The following PROX2 variants were observed in gnomAD, a reference collection of about 807,000 sequenced individuals.
The protein encoded by PROX2 is prospero homeobox 2.
PROX2 carries 46 observed loss-of-function variants against 48.9 expected under a neutral mutation model. The ratio of observed to expected loss-of-function variants is 0.94; its 90% CI spans 0.74 to 1.20. The LOEUF is 1.20. Ranked by LOEUF, PROX2 falls within the 50% of genes most tolerant of loss-of-function variation. The probability of loss-of-function intolerance (pLI) is 0.00; values close to 1 mark genes in which losing one functional copy is unlikely to be tolerated. For missense variants in PROX2, 663 were observed against 719.4 expected (o/e 0.92, Z 0.90); for synonymous variants, 260 against 276.6 (o/e 0.94, Z 0.60).
rs2091817757 is a variant in PROX2, at chr14:74,863,529, CCT to C, written c.304_305del (p.Arg102GlufsTer89). The C allele has an allele frequency of 6.2e-7, 1 of 1,613,446 alleles. No individual in the cohort carries two copies. The highest frequency in any genetic ancestry group is 1.3e-5 in the African/African-American group (1 of 74,936). On this transcript the variant is annotated frameshift_variant, in exon 3 of 6. Coordinates refer to ENST00000556489, the MANE Select transcript of PROX2 (RefSeq NM_001243007.2). LOFTEE classifies it high-confidence loss of function. ...GTGTGGGAAGGTTCTGCTTCCTCTT[CCT>C]CTCTCGGGCCTTCTTTGGGCAGCGT... Reference protein sequence around the residue: ...SPRCPKKARERKRKQNLPTPQ... With the variant: ...SPRCPKKAREXKRKQNLPTPQ...
chr14:74,872,068 T>G (rs1883229447), intron 1 of PROX2: 1 of 152,216 alleles, frequency 6.6e-6, no homozygotes, highest in Admixed American at 6.5e-5. Context: ...CCTTCTGTGA[T>G]GTGTACACAT....
At chr14:74,864,340 A>G (rs2091825857) in intron 2 of PROX2, among the ~76,000 whole-genome samples, 2 of 152,344 alleles carry the variant, frequency 1.3e-5, no homozygotes, top group South Asian at 2.1e-4. Flanking sequence ...CTCTACATCC[A>G]TTAATTTAAT....
At chr14:74,865,942 TC>T (rs1883048090) in intron 2 of PROX2, among the ~76,000 whole-genome samples, 1 of 151,736 alleles carries the variant, frequency 6.6e-6, no homozygotes, top group South Asian at 2.1e-4. Flanking sequence ...TAGACAGACA[TC>T]TAAATGTCAA....
At chr14:74,865,614 G>A (rs549094977) in intron 2 of PROX2, among the ~76,000 whole-genome samples, 3 of 152,130 alleles carry the variant, frequency 2.0e-5, no homozygotes, top group East Asian at 1.9e-4. Flanking sequence ...AGGCTGAGGC[G>A]GGTGGATCAC....
chr14:74,855,398 G>A, intron 5 of PROX2, 96 bp from the exon 6 acceptor site: 2 of 1,021,728 alleles, frequency 2.0e-6, no homozygotes, highest in Non-Finnish European at 2.7e-6. Context: ...TGTTTCTTGG[G>A]TAGTGGGCTA....
Position 74,853,124 on chromosome 14 carries a change from A to G in PROX2, c.*2008T>C, listed in dbSNP as rs967662912. The stretch of plus-strand genomic sequence containing the variant: ...AGACTGCAGTACACAAATGTTTTCA[A>G]TTTGAGCTTGTACATTTCATCTCAT... On this transcript the variant is annotated 3_prime_UTR_variant, in exon 6 of 6. Coordinates refer to ENST00000556489, the MANE Select transcript of PROX2 (RefSeq NM_001243007.2). The G allele has an allele frequency of 2.0e-5, 3 of 152,240 alleles. No individual in the cohort carries two copies. Among genetic ancestry groups the G allele is most frequent in the African/African-American group, 7.2e-5 (3 of 41,462 alleles). 9.4% of individuals were successfully genotyped at this position (152,240 alleles called of 1,614,324 possible).
At chr14:74,856,628 T>C in intron 5 of PROX2, 173 bp downstream of exon 5, 1 of 597,510 alleles carries the variant, frequency 1.7e-6, no homozygotes, top group Non-Finnish European at 2.9e-6. Flanking sequence ...TTCCACCTGT[T>C]GCCCAAGTGA....
intron 3 of PROX2, among the ~76,000 whole-genome samples, chr14:74,861,951 G>T (rs1182059102): frequency 1.3e-5 from 2 of 152,090 alleles, no homozygotes; most frequent in East Asian, 1.9e-4. Flanking sequence ...CTTCCTTAGG[G>T]TATTCATTGT....
intron 5 of PROX2, chr14:74,856,513 A>T: frequency 2.9e-6 from 1 of 341,892 alleles, no homozygotes; most frequent in Admixed American, 4.1e-5. Flanking sequence ...TCAGGAAGTT[A>T]TGTAACTTGA....
Position 74,855,271 on chromosome 14 carries a change from A to C in PROX2, c.1640T>G (p.Leu547Trp), listed in dbSNP as rs1313167199. ...VPDCFLEIASLTLQEFFRAVS... is the reference protein window; with the variant it reads ...VPDCFLEIASWTLQEFFRAVS... ...AGCCCTGAAGAACTCCTGTAACGTCAAGCTGGCAATTTCCAAGAAGCAATC... is the reference window on the plus strand; with the variant it reads ...AGCCCTGAAGAACTCCTGTAACGTCCAGCTGGCAATTTCCAAGAAGCAATC... Residue 547 changes from leucine (L) to tryptophan (W), a missense_variant, in exon 6 of 6, where the codon TTG becomes TGG. By Grantham distance (61) the Leu-to-Trp change is moderately conservative. Coordinates refer to ENST00000556489, the MANE Select transcript of PROX2 (RefSeq NM_001243007.2). 2 of 1,560,042 alleles carry C rather than the reference A, an allele frequency of 1.3e-6. No individual in the cohort carries two copies. Among genetic ancestry groups the C allele is most frequent in the Non-Finnish European group, 1.7e-6 (2 of 1,143,014 alleles).
At chr14:74,857,743 G>A (rs1325292064) in intron 4 of PROX2, 1 of 148,012 alleles carries the variant, frequency 6.8e-6, no homozygotes, top group Non-Finnish European at 1.5e-5. Flanking sequence ...TATATTTTTT[G>A]TTGTTTGTTT....
rs766649750 is a variant in PROX2, at chr14:74,863,039, C to T, written c.796G>A (p.Glu266Lys). 1.9e-6 allele frequency: 3 copies of T among 1,613,792 alleles called. No individual in the cohort carries two copies. In the African/African-American group the frequency reaches 4.0e-5, roughly 22 times the overall value. Residue 266 changes from glutamate to lysine, a missense_variant, in exon 3 of 6, where the codon GAG becomes AAG. By Grantham distance (56) the Glu-to-Lys change is moderately conservative (BLOSUM62 1). Transcript: ENST00000556489. ...LGRSFQGQVAEGRSEPSPPVG... is the reference protein window; with the variant it reads ...LGRSFQGQVAKGRSEPSPPVG... The stretch of plus-strand genomic sequence containing the variant: ...GGAGGTGAGGGCTCGCTTCTACCCT[C>T]TGCCACCTGCCCCTGGAAGCTTCTG...
intron 1 of PROX2, chr14:74,874,259 T>G (rs1883285799): frequency 8.5e-6 from 3 of 354,780 alleles, no homozygotes; most frequent in East Asian, 7.5e-5. Flanking sequence ...AAGTTTTTTT[T>G]TTTTTTTTTT....
intron 1 of PROX2, among the ~76,000 whole-genome samples, chr14:74,872,349 T>C (rs1407674626): frequency 2.0e-5 from 3 of 152,310 alleles, no homozygotes; most frequent in South Asian, 2.1e-4. Flanking sequence ...CTAGATTCAG[T>C]TGGATTCCAA....
chr14:74,864,212 C>T (rs926474436), intron 2 of PROX2, among the ~76,000 whole-genome samples: 12 of 152,008 alleles, frequency 7.9e-5, no homozygotes, highest in African/African-American at 2.9e-4. Flanking sequence ...TGAGGAGACT[C>T]CGAGAGTGAT....
chr14:74,868,353 A>G (rs1883125203), intron 2 of PROX2, among the ~76,000 whole-genome samples: 1 of 133,356 alleles, frequency 7.5e-6, no homozygotes, highest in Non-Finnish European at 1.6e-5. Context: ...ATATATATAT[A>G]TATATATAAA....
At chr14:74,858,365 TG>T in intron 4 of PROX2, 41 bp downstream of exon 4, 1 of 1,256,470 alleles carries the variant, frequency 8.0e-7, no homozygotes, top group South Asian at 1.3e-5. Context: ...CACTGCCTCT[TG>T]GGAGTTCTGC....
At chr14:74,861,171 C>T in intron 3 of PROX2, 2 of 1,341,210 alleles carry the variant, frequency 1.5e-6, no homozygotes, top group Non-Finnish European at 2.0e-6. Context: ...TCCTGCTGCC[C>T]TCACAGTAGT....
In PROX2 at chr14:74,854,922, T is replaced by C. The variant is rs1465641200; in HGVS notation, c.*210A>G. The C allele has an allele frequency of 2.7e-6, 1 of 367,608 alleles. No homozygotes were observed. The allele number at this position is 367,608 out of a possible 1,614,324, so 22.8% of individuals were successfully genotyped here. On this transcript the variant is annotated 3_prime_UTR_variant, in exon 6 of 6. Coordinates refer to ENST00000556489, the MANE Select transcript of PROX2 (RefSeq NM_001243007.2). ...TGTTCCTTTTACAATATACTACCAA[T>C]ACACCAATATAGTTAGTACATTTTA...
Sources: gnomAD v4.1 joint callset for allele counts (sites outside exome capture counted in the v4.1 genomes callset) on GRCh38, gnomAD v4.1.1 for gene constraint, MANE v1.5 for transcripts, NCBI Gene and HGNC (gene_info 2026-07-23, HGNC 2026-07-21) for gene names.